The following COL21A1 variants were observed in gnomAD, a reference collection of about 807,000 sequenced individuals.
The protein encoded by COL21A1 is collagen type XXI alpha 1 chain.
A neutral mutation model predicts 137.9 loss-of-function variants in COL21A1; 149 were observed. The observed-to-expected ratio is 1.08, with a 90% CI of 0.95 to 1.24. COL21A1 has a LOEUF of 1.24. COL21A1 is among the 50% of genes most tolerant of loss of function. The pLI is 0.00. For missense variants in COL21A1, 1,167 were observed against 1,158.4 expected, an observed-to-expected ratio of 1.01 and a Z score of -0.11; for synonymous variants, 456 against 391.5, an observed-to-expected ratio of 1.16 and a Z score of -1.95.
chr6:56,308,720 G>A (rs563703287), intron 1 of COL21A1, among the ~76,000 whole-genome samples: 32 of 90,132 alleles, frequency 3.6e-4, no homozygotes, highest in Middle Eastern at 6.6e-3. Flanking sequence ...GATAGATCTC[G>A]TTAAATGTTC....
At chr6:56,059,922 GA>G (rs1765650553) in intron 28 of COL21A1, 95 bp downstream of exon 28, 5 of 819,720 alleles carry the variant, frequency 6.1e-6, no homozygotes, top group East Asian at 3.1e-5. Context: ...TTTTTATCAT[GA>G]AAAAAGTTAA....
intron 1 of COL21A1, among the ~76,000 whole-genome samples, chr6:56,393,775 G>A (rs1183795764): frequency 5.3e-5 from 8 of 152,132 alleles, no homozygotes; most frequent in Non-Finnish European, 1.0e-4. Context: ...GTCCCCAGAG[G>A]GATAAACTGC....
intron 16 of COL21A1, among the ~76,000 whole-genome samples, chr6:56,121,218 G>A (rs1472478554): frequency 6.6e-6 from 1 of 152,010 alleles, no homozygotes; most frequent in Non-Finnish European, 1.5e-5. Context: ...GGGGAGGGTA[G>A]CCATCAAACT....
Position 56,124,893 on chromosome 6 carries a change from C to A in COL21A1, c.1651-601G>T, listed in dbSNP as rs1010372135. Among the ~76,000 whole-genome samples, 14 of 152,162 alleles carry A rather than the reference C, an allele frequency of 9.2e-5. No individual in the cohort carries two copies. The South Asian group carries it at 2.9e-3, about 32-fold the overall frequency. ...ATCTCCTGACTTCGTGATCTGCCCA[C>A]CTTAGCCTCCCAAAGTGCTGGGATT... On this transcript the variant is annotated intron_variant, in intron 14 of 29. Transcript: ENST00000244728.
intron 16 of COL21A1, among the ~76,000 whole-genome samples, chr6:56,109,614 T>C (rs1771238943): frequency 6.6e-6 from 1 of 151,976 alleles, no homozygotes; most frequent in South Asian, 2.1e-4. Context: ...GGAAATATTC[T>C]GCAGTGCTTG....
chr6:56,126,065 G>T, intron 13 of COL21A1, 31 bp downstream of exon 13: 6 of 1,417,816 alleles, frequency 4.2e-6, no homozygotes, highest in Middle Eastern at 1.8e-4. Flanking sequence ...AAATGGCTTT[G>T]CTATATTTAA....
intron 1 of COL21A1, among the ~76,000 whole-genome samples, chr6:56,300,176 C>T (rs926386075): frequency 1.3e-5 from 2 of 151,986 alleles, no homozygotes; most frequent in Admixed American, 1.3e-4. Context: ...TTAACAGATC[C>T]TTCTAAATGT....
At chr6:56,393,913 G>C (rs1225030834) in intron 1 of COL21A1, 1 of 152,360 alleles carries the variant, frequency 6.6e-6, no homozygotes, top group Non-Finnish European at 1.5e-5. Flanking sequence ...GGCGAGAAGA[G>C]CCTCACATGC....
At chr6:56,265,940 TCG>T (rs1763380458) in intron 1 of COL21A1, among the ~76,000 whole-genome samples, 1 of 152,164 alleles carries the variant, frequency 6.6e-6, no homozygotes. Flanking sequence ...AAATACACAT[TCG>T]CAACTAAAGT....
At chr6:56,211,208 T>G (rs1362128043) in intron 1 of COL21A1, among the ~76,000 whole-genome samples, 2 of 21,594 alleles carry the variant, frequency 9.3e-5, no homozygotes, top group Non-Finnish European at 1.7e-4. Flanking sequence ...TATATACATA[T>G]ATATGTATAT....
intron 17 of COL21A1, among the ~76,000 whole-genome samples, chr6:56,096,827 T>C (rs1475440120): frequency 1.3e-5 from 2 of 152,178 alleles, no homozygotes; most frequent in East Asian, 3.8e-4. Flanking sequence ...ATATGCCCTT[T>C]ATAGTAGAGC....
At chr6:56,291,563 G>C (rs796280928) in intron 1 of COL21A1, among the ~76,000 whole-genome samples, 3 of 152,350 alleles carry the variant, frequency 2.0e-5, no homozygotes, top group African/African-American at 7.2e-5. Flanking sequence ...GCCAAAATGC[G>C]GGTCGCAGAG....
At chr6:56,309,152 C>T (rs1764542806) in intron 1 of COL21A1, among the ~76,000 whole-genome samples, 1 of 151,988 alleles carries the variant, frequency 6.6e-6, no homozygotes, top group African/African-American at 2.4e-5. Context: ...AGCGATTCCC[C>T]TGCCTCAGCC....
At chr6:56,301,957 C>T (rs1470974656) in intron 1 of COL21A1, among the ~76,000 whole-genome samples, 1 of 151,752 alleles carries the variant, frequency 6.6e-6, no homozygotes, top group Non-Finnish European at 1.5e-5. Context: ...CAATTCCCAC[C>T]TATGAGTGAG....
chr6:56,289,507 T>G (rs1271283745), intron 1 of COL21A1, among the ~76,000 whole-genome samples: 1 of 152,230 alleles, frequency 6.6e-6, no homozygotes, highest in Non-Finnish European at 1.5e-5. Context: ...GGTTTTATGA[T>G]AATACCTGGT....
chr6:56,261,051 A>ACTTCTTTGT (rs11280806), intron 1 of COL21A1, among the ~76,000 whole-genome samples: 3 of 151,628 alleles, frequency 2.0e-5, no homozygotes, highest in African/African-American at 7.3e-5. Flanking sequence ...TTTTCTTGAC[A>ACTTCTTTGT]CTTCACTTTT....
intron 1 of COL21A1, among the ~76,000 whole-genome samples, chr6:56,353,210 G>A (rs1378906538): frequency 2.0e-5 from 3 of 152,126 alleles, no homozygotes; most frequent in African/African-American, 7.2e-5. Context: ...GTGCTATATA[G>A]AAAGTGATGT....
intron 1 of COL21A1, among the ~76,000 whole-genome samples, chr6:56,204,227 T>A (rs1779600074): frequency 6.6e-6 from 1 of 152,186 alleles, no homozygotes; most frequent in East Asian, 1.9e-4. Context: ...CAAGCTAAGA[T>A]TAACTGGCTT....
chr6:56,322,992 G>C (rs1764910351), intron 1 of COL21A1, among the ~76,000 whole-genome samples: 1 of 151,852 alleles, frequency 6.6e-6, no homozygotes, highest in Non-Finnish European at 1.5e-5. Context: ...ATAGAGAGTG[G>C]AATAATAGAC....
Sources: gnomAD v4.1 joint callset for allele counts (sites outside exome capture counted in the v4.1 genomes callset) on GRCh38, gnomAD v4.1.1 for gene constraint, MANE v1.5 for transcripts, NCBI Gene and HGNC (gene_info 2026-07-23, HGNC 2026-07-21) for gene names.